The following ATXN3 variants were observed in gnomAD, a reference collection of about 807,000 sequenced individuals.
The protein encoded by ATXN3 is ataxin 3, also known as ataxin-3.
ATXN3 carries 28 observed loss-of-function variants against 58.2 expected under a neutral mutation model. The observed-to-expected ratio is 0.48, with a 90% confidence interval of 0.36 to 0.66. ATXN3 has a LOEUF of 0.66. Ranked by LOEUF, ATXN3 falls within the 30% of genes least tolerant of loss-of-function variation. The pLI is 0.00. For synonymous variants in ATXN3, 113 were observed against 138.5 expected (o/e 0.82, Z 1.29); for missense variants, 321 against 422.1 (o/e 0.76, Z 2.10).
chr14:92,096,449 C>A, intron 2 of ATXN3: 1 of 785,960 alleles, frequency 1.3e-6, no homozygotes, highest in Non-Finnish European at 2.0e-6. Flanking sequence ...ATGGTGAAAC[C>A]CCATCTCTAA....
chr14:92,074,604 G>A (rs2060024304), intron 9 of ATXN3, among the ~76,000 whole-genome samples: 3 of 152,172 alleles, frequency 2.0e-5, no homozygotes. Flanking sequence ...CCTGCAAGTT[G>A]GTTTGTGGTA....
At chr14:92,086,496 C>A (rs1291668812) in intron 6 of ATXN3, among the ~76,000 whole-genome samples, 1 of 147,264 alleles carries the variant, frequency 6.8e-6, no homozygotes, top group Admixed American at 7.0e-5. Flanking sequence ...ACCCAGGAGG[C>A]AGAAGTTACG....
chr14:92,070,536 G>A (rs1290448375), intron 10 of ATXN3, among the ~76,000 whole-genome samples: 4 of 152,248 alleles, frequency 2.6e-5, no homozygotes, highest in South Asian at 4.1e-4. Flanking sequence ...CCGAGATCGC[G>A]ACACTGCACT....
At position 92,045,123 on chromosome 14, in the gene ATXN3, C is replaced by G. The variant is rs143580505; in HGVS notation, n.277-165G>C. 2.3e-3 allele frequency among the ~76,000 whole-genome samples: 347 copies of G among 152,226 alleles called. 1 individual carries two copies. The highest frequency in any genetic ancestry group is 3.5e-3 in the Non-Finnish European group (239 of 68,014). Reference sequence around the variant, plus strand: ...AAATGGACTGTACCCTGTAGCTTCTCGAGGACGGGCTCTAATTCTGTGAAG... The same window carrying G: ...AAATGGACTGTACCCTGTAGCTTCTGGAGGACGGGCTCTAATTCTGTGAAG... On this transcript the variant is annotated intron_variant and non_coding_transcript_variant, in intron 2 of 2. Transcript: ENST00000564606.
At chr14:92,105,974 G>A (rs1427301821) in intron 1 of ATXN3, among the ~76,000 whole-genome samples, 1 of 152,140 alleles carries the variant, frequency 6.6e-6, no homozygotes, top group Non-Finnish European at 1.5e-5. Flanking sequence ...CCCTACAGTG[G>A]GCGAGCCAAG....
chr14:92,067,580 A>G (rs1395040758), intron 10 of ATXN3, among the ~76,000 whole-genome samples: 1 of 152,136 alleles, frequency 6.6e-6, no homozygotes, highest in East Asian at 1.9e-4. Flanking sequence ...TATTTTTAGT[A>G]GAGACAGGGT....
chr14:92,070,829 G>A, intron 10 of ATXN3, 106 bp downstream of exon 10: 5 of 1,595,444 alleles, frequency 3.1e-6, no homozygotes, highest in South Asian at 1.1e-5. Flanking sequence ...TTCTTAATAT[G>A]ATTAAAGAGG....
downstream of ATXN3, among the ~76,000 whole-genome samples, chr14:92,057,746 G>T (rs1389650319): frequency 2.0e-5 from 3 of 152,086 alleles, no homozygotes; most frequent in Non-Finnish European, 4.4e-5. Context: ...CACTACATTT[G>T]GATTCTGGTG....
upstream of ATXN3, among the ~76,000 whole-genome samples, chr14:92,050,900 C>G (rs2057445765): frequency 2.6e-5 from 4 of 152,200 alleles, no homozygotes; most frequent in Admixed American, 2.0e-4. Flanking sequence ...AGGCATGAAC[C>G]ACCGCACCCA....
intron 5 of ATXN3, 81 bp from the exon 6 acceptor site, chr14:92,088,898 C>A: frequency 1.3e-6 from 1 of 760,330 alleles, no homozygotes; most frequent in South Asian, 1.6e-5. Flanking sequence ...TAGATACAAC[C>A]CATCAAAGCT....
chr14:92,067,780 G>A (rs954571308), intron 10 of ATXN3, among the ~76,000 whole-genome samples: 1 of 152,092 alleles, frequency 6.6e-6, no homozygotes, highest in Admixed American at 6.5e-5. Context: ...AATTTAGCAA[G>A]CCTCCACTGA....
chr14:92,068,260 C>A (rs1238504629), intron 10 of ATXN3, among the ~76,000 whole-genome samples: 2 of 152,190 alleles, frequency 1.3e-5, no homozygotes, highest in Non-Finnish European at 2.9e-5. Flanking sequence ...GAGAAGTGTA[C>A]CTTATGACTT....
rs2057898017 is a variant in ATXN3, at chr14:92,063,172, G to A, written c.*1148C>T. ...TAAGCTATCTAAACATGATGCAAGT[G>A]TCAAATCACAGTATAAATTTAAACA... On this transcript the variant is annotated 3_prime_UTR_variant, in exon 11 of 11. Transcript: ENST00000644486. 6.6e-6 allele frequency: 1 copy of A among 152,582 alleles called. No homozygotes were observed. Among genetic ancestry groups the A allele is most frequent in the Non-Finnish European group, 1.5e-5 (1 of 68,026 alleles). 9.5% of individuals were successfully genotyped at this position (152,582 alleles called of 1,614,324 possible).
At chr14:92,093,941 T>TA in intron 3 of ATXN3, 110 bp from the exon 4 acceptor site, 3 of 606,176 alleles carry the variant, frequency 4.9e-6, no homozygotes, top group South Asian at 4.2e-5. Context: ...TAGAAGGCTA[T>TA]AGGTTTTTTT....
intron 4 of ATXN3, 114 bp downstream of exon 4, chr14:92,093,632 A>G: frequency 1.2e-6 from 1 of 842,034 alleles, no homozygotes; most frequent in Non-Finnish European, 1.9e-6. Context: ...AGTGAATGAA[A>G]CAGGGAACAT....
chr14:92,094,826 C>T (rs1256047190), intron 3 of ATXN3, among the ~76,000 whole-genome samples: 1 of 152,088 alleles, frequency 6.6e-6, no homozygotes, highest in Non-Finnish European at 1.5e-5. Context: ...CTACTCTGGC[C>T]TCTGATTTCA....
intron 8 of ATXN3, among the ~76,000 whole-genome samples, chr14:92,082,025 C>T (rs904477243): frequency 2.6e-5 from 4 of 152,156 alleles, no homozygotes; most frequent in Non-Finnish European, 4.4e-5. Flanking sequence ...AACTGATACC[C>T]ACAAAGATTA....
rs1200117295 is a variant in ATXN3 at position 92,093,913 on chromosome 14, T to C, written c.235-82A>G. 4 of 812,116 alleles carry C rather than the reference T, an allele frequency of 4.9e-6. No individual in the cohort carries two copies. In the African/African-American group the frequency reaches 7.0e-5, roughly 14 times the overall value. 50.3% of individuals were successfully genotyped at this position (812,116 alleles called of 1,614,324 possible). A position where few individuals can be genotyped will look rare whatever the true frequency, so the allele number is the denominator to read the frequency against. On this transcript the variant is annotated intron_variant, in intron 3 of 10. Coordinates refer to ENST00000644486, the MANE Select transcript of ATXN3 (RefSeq NM_004993.6). ...AAGTGTAGCTATGTTAGTTGTGTAC[T>C]TCATATATAAATTTCTCTAGAAGGC...
At chr14:92,071,793 G>T (rs2059498850) in intron 9 of ATXN3, among the ~76,000 whole-genome samples, 2 of 152,082 alleles carry the variant, frequency 1.3e-5, no homozygotes, top group Admixed American at 1.3e-4. Context: ...TTTTCACTCA[G>T]GTCTGAGCTT....
Sources: gnomAD v4.1 joint callset for allele counts (sites outside exome capture counted in the v4.1 genomes callset) on GRCh38, gnomAD v4.1.1 for gene constraint, MANE v1.5 for transcripts, NCBI Gene and HGNC (gene_info 2026-07-23, HGNC 2026-07-21) for gene names.